The following LRBA variants were observed in gnomAD, a reference collection of about 807,000 sequenced individuals.
LRBA encodes the protein LPS responsive beige-like anchor protein, also known as lipopolysaccharide-responsive and beige-like anchor protein.
Under a neutral mutation model 330.0 loss-of-function variants are expected in LRBA, and 176 were observed. The observed-to-expected ratio is 0.53, with a 90% confidence interval of 0.47 to 0.60. The LOEUF (loss-of-function observed/expected upper bound fraction) is 0.60, where lower values mean the gene tolerates loss of function less well. Ranked by LOEUF, LRBA falls within the 20% of genes least tolerant of loss-of-function variation. The probability of loss-of-function intolerance (pLI) is 0.00; values close to 1 mark genes in which losing one functional copy is unlikely to be tolerated. For synonymous variants in LRBA, 1,230 were observed against 1,193.0 expected (o/e 1.03, Z -0.64); for missense variants, 3,259 against 3,444.8 (o/e 0.95, Z 1.35).
chr4:150,529,760 A>T (rs1763865227), intron 40 of LRBA, among the ~76,000 whole-genome samples: 1 of 152,038 alleles, frequency 6.6e-6, no homozygotes, highest in South Asian at 2.1e-4. Flanking sequence ...CCAGCTTAAG[A>T]CAAAGTAGAC....
At chr4:150,552,881 A>G (rs966605883) in intron 40 of LRBA, among the ~76,000 whole-genome samples, 3 of 151,856 alleles carry the variant, frequency 2.0e-5, no homozygotes, top group African/African-American at 7.3e-5. Flanking sequence ...CATCCTGGAT[A>G]GCACGGTGAA....
At chr4:150,464,461 C>T (rs1210250592) in intron 44 of LRBA, among the ~76,000 whole-genome samples, 2 of 152,054 alleles carry the variant, frequency 1.3e-5, no homozygotes, top group Non-Finnish European at 2.9e-5. Context: ...CTAATACAGT[C>T]CTCATTTATT....
intron 47 of LRBA, among the ~76,000 whole-genome samples, chr4:150,398,802 G>GT (rs1316853386): frequency 6.6e-6 from 1 of 151,746 alleles, no homozygotes; most frequent in Non-Finnish European, 1.5e-5. Flanking sequence ...AAGTTTTTTT[G>GT]TTTTTTGTAG....
intron 46 of LRBA, 47 bp from the exon 47 acceptor site, chr4:150,415,637 T>G (rs1179876916): frequency 9.2e-7 from 1 of 1,088,298 alleles, no homozygotes; most frequent in Admixed American, 2.2e-5. Flanking sequence ...TGTAGGATAC[T>G]GACTAGATAT....
chr4:150,834,121 C>T (rs553696962), intron 28 of LRBA, among the ~76,000 whole-genome samples: 2 of 152,280 alleles, frequency 1.3e-5, no homozygotes, highest in East Asian at 1.9e-4. Flanking sequence ...GTGACTTCCT[C>T]CATGGAAATC....
chr4:150,922,798 C>CA (rs147636493), intron 4 of LRBA, among the ~76,000 whole-genome samples: 20,135 of 151,998 alleles, frequency 0.13, 2,071 homozygotes, highest in African/African-American at 0.27. Flanking sequence ...ATAAACATTT[C>CA]AAAAAATGGT....
intron 2 of LRBA, among the ~76,000 whole-genome samples, chr4:150,967,100 TA>T (rs1338792315): frequency 2.6e-5 from 4 of 152,208 alleles, no homozygotes; most frequent in African/African-American, 7.2e-5. Flanking sequence ...AAATAGTAGT[TA>T]AAAAACCATT....
At chr4:150,458,366 T>G (rs1044788446) in intron 44 of LRBA, among the ~76,000 whole-genome samples, 15 of 151,922 alleles carry the variant, frequency 9.9e-5, no homozygotes, top group African/African-American at 2.7e-4. Flanking sequence ...CATAAAGAGT[T>G]GCACAGACAC....
At position 150,818,483 on chromosome 4, in the gene LRBA, A is replaced by G. The variant is rs193242006; in HGVS notation, c.5172-1226T>C. Among the ~76,000 whole-genome samples, 347 of 151,798 alleles carry G rather than the reference A, an allele frequency of 2.3e-3. 6 individuals carry two copies. The highest frequency in any genetic ancestry group is 1.5e-3 in the East Asian group (8 of 5,162). On this transcript the variant is annotated intron_variant, in intron 30 of 56. Coordinates refer to ENST00000651943, the MANE Select transcript of LRBA (RefSeq NM_001364905.1). ...TGGTGTGCTTAAATCACAGCAGCTT[A>G]TATCAGATGAAGATTATTGACTTAA...
intron 2 of LRBA, among the ~76,000 whole-genome samples, chr4:150,967,999 CAT>C (rs1434172427): frequency 1.4e-5 from 2 of 145,918 alleles, no homozygotes; most frequent in African/African-American, 5.1e-5. Flanking sequence ...AAGATTTGCA[CAT>C]CTTTTTTTTT....
intron 2 of LRBA, among the ~76,000 whole-genome samples, chr4:150,954,571 A>C (rs940513514): frequency 3.1e-5 from 4 of 127,340 alleles, no homozygotes; most frequent in African/African-American, 6.1e-5. Context: ...AAGGCAGCAT[A>C]CTCGTTAAGA....
chr4:150,532,945 A>T (rs903099238), intron 40 of LRBA, among the ~76,000 whole-genome samples: 8 of 152,166 alleles, frequency 5.3e-5, no homozygotes, highest in Non-Finnish European at 7.3e-5. Context: ...ATTTTCTACT[A>T]ATGTGGGTAA....
At chr4:150,723,278 T>C (rs1729182244) in intron 36 of LRBA, among the ~76,000 whole-genome samples, 1 of 152,150 alleles carries the variant, frequency 6.6e-6, no homozygotes, top group Non-Finnish European at 1.5e-5. Context: ...GTGAAGCTCA[T>C]AGCAATGAAA....
intron 47 of LRBA, among the ~76,000 whole-genome samples, chr4:150,387,073 A>C (rs888168540): frequency 6.6e-6 from 1 of 151,784 alleles, no homozygotes; most frequent in Non-Finnish European, 1.5e-5. Context: ...TCTTTTGAGA[A>C]GTGTCTTTTC....
intron 44 of LRBA, among the ~76,000 whole-genome samples, chr4:150,442,164 A>AGC (rs1751926499): frequency 6.6e-6 from 1 of 152,184 alleles, no homozygotes; most frequent in Non-Finnish European, 1.5e-5. Context: ...TGTGTTAGCT[A>AGC]ACTTCTCTTT....
chr4:150,943,636 C>T (rs1486786480), intron 2 of LRBA, among the ~76,000 whole-genome samples: 3 of 152,170 alleles, frequency 2.0e-5, no homozygotes, highest in African/African-American at 7.2e-5. Flanking sequence ...AGTAGTTTAA[C>T]TCAACCTGTT....
intron 2 of LRBA, among the ~76,000 whole-genome samples, chr4:150,940,547 C>T (rs140937343): frequency 5.9e-5 from 9 of 152,292 alleles, no homozygotes; most frequent in Admixed American, 5.9e-4. Context: ...CTTTTATATA[C>T]TTTACACATA....
chr4:150,931,303 T>A (rs893369815), intron 2 of LRBA, among the ~76,000 whole-genome samples: 2 of 149,482 alleles, frequency 1.3e-5, no homozygotes, highest in Non-Finnish European at 3.0e-5. Flanking sequence ...TAAAAAGATT[T>A]AAAAAAAGGC....
chr4:150,966,383 C>A (rs1024456395), intron 2 of LRBA, among the ~76,000 whole-genome samples: 1 of 150,926 alleles, frequency 6.6e-6, no homozygotes, highest in Non-Finnish European at 1.5e-5. Context: ...TCTTGACATA[C>A]TGCAAGCTCT....
Sources: gnomAD v4.1 joint callset for allele counts (sites outside exome capture counted in the v4.1 genomes callset) on GRCh38, gnomAD v4.1.1 for gene constraint, MANE v1.5 for transcripts, NCBI Gene and HGNC (gene_info 2026-07-23, HGNC 2026-07-21) for gene names.